The following CRB1 variants were observed in gnomAD, a reference collection of about 807,000 sequenced individuals.
CRB1 encodes crumbs cell polarity complex component 1.
A neutral mutation model predicts 120.0 loss-of-function variants in CRB1; 83 were observed. The ratio of observed to expected loss-of-function variants is 0.69; its 90% CI spans 0.58 to 0.83. The LOEUF is 0.83. Among genes scored for constraint, CRB1 ranks in the 40% least tolerant of loss-of-function variants. CRB1 has a pLI of 0.00. For synonymous variants in CRB1, 625 were observed against 612.5 expected (o/e 1.02, Z -0.30); for missense variants, 1,699 against 1,687.6 (o/e 1.01, Z -0.12).
At chr1:197,458,031 G>A (rs1168977907) in intron 11 of CRB1, among the ~76,000 whole-genome samples, 20 of 152,150 alleles carry the variant, frequency 1.3e-4, no homozygotes, top group Admixed American at 7.9e-4. Context: ...GAGTAGAAAA[G>A]GGAAATTCTG....
intron 8 of CRB1, among the ~76,000 whole-genome samples, chr1:197,433,295 T>A (rs1218343169): frequency 6.6e-6 from 1 of 152,078 alleles, no homozygotes; most frequent in Admixed American, 6.6e-5. Context: ...TGCAGAGCAG[T>A]AGAAGCAGGG....
At chr1:197,238,052 T>G in the CRB1 span, among the ~76,000 whole-genome samples, 1 of 152,182 alleles carries the variant, frequency 6.6e-6, no homozygotes, top group Non-Finnish European at 1.5e-5. Context: ...ATTTTCACTT[T>G]TCACTGAGTT....
intron 6 of CRB1, among the ~76,000 whole-genome samples, chr1:197,426,148 C>T (rs1467486645): frequency 1.3e-5 from 2 of 151,946 alleles, no homozygotes; most frequent in African/African-American, 2.4e-5. Flanking sequence ...TGCTTAGGCC[C>T]AAAGCCTTAG....
chr1:197,452,684 G>C (rs953911551), intron 11 of CRB1, among the ~76,000 whole-genome samples: 27 of 152,152 alleles, frequency 1.8e-4, no homozygotes, highest in African/African-American at 5.6e-4. Flanking sequence ...GAACCTGGGA[G>C]TACTTACTTC....
chr1:197,359,464 A>AT (rs1434327383), intron 5 of CRB1, among the ~76,000 whole-genome samples: 1 of 152,014 alleles, frequency 6.6e-6, no homozygotes, highest in Admixed American at 6.6e-5. Flanking sequence ...TATATCAAAG[A>AT]TTTTTTAACC....
intron 5 of CRB1, among the ~76,000 whole-genome samples, chr1:197,402,487 T>A (rs1363470970): frequency 6.6e-6 from 1 of 152,240 alleles, no homozygotes. Context: ...TAGATGTATG[T>A]CGTTTAAAAT....
chr1:197,400,226 G>A (rs930858673), intron 5 of CRB1, among the ~76,000 whole-genome samples: 2 of 151,654 alleles, frequency 1.3e-5, no homozygotes, highest in African/African-American at 2.4e-5. Flanking sequence ...GCAATTAACC[G>A]GAGTAACCAC....
the CRB1 span, among the ~76,000 whole-genome samples, chr1:197,210,551 GC>G: frequency 1.3e-5 from 2 of 152,044 alleles, no homozygotes; most frequent in East Asian, 3.9e-4. Flanking sequence ...AGACTGGCCA[GC>G]CCCCACAATC....
chr1:197,222,575 T>G, the CRB1 span: 1 of 768,946 alleles, frequency 1.3e-6, no homozygotes, highest in South Asian at 1.3e-5. Context: ...ACGAAACTCC[T>G]GTTGTTTTGC....
chr1:197,415,022 A>T (rs1663903124), intron 5 of CRB1, among the ~76,000 whole-genome samples: 1 of 152,228 alleles, frequency 6.6e-6, no homozygotes, highest in African/African-American at 2.4e-5. Context: ...AAGTGATGGT[A>T]AAATTTAAAA....
At chr1:197,220,273 G>A in the CRB1 span, among the ~76,000 whole-genome samples, 1 of 152,196 alleles carries the variant, frequency 6.6e-6, no homozygotes, top group African/African-American at 2.4e-5. Context: ...ATTTTTAAAA[G>A]AGATGAATAA....
intron 5 of CRB1, among the ~76,000 whole-genome samples, chr1:197,359,118 C>T (rs1481742164): frequency 2.6e-5 from 4 of 151,986 alleles, no homozygotes. Context: ...CCTAATTTTC[C>T]CAATAGTACC....
At chr1:197,241,532 A>C in the CRB1 span, among the ~76,000 whole-genome samples, 1 of 152,052 alleles carries the variant, frequency 6.6e-6, no homozygotes, top group Non-Finnish European at 1.5e-5. Flanking sequence ...ATTATTTCTG[A>C]GGCCTCTATC....
intron 1 of CRB1, among the ~76,000 whole-genome samples, chr1:197,314,131 C>G (rs559687521): frequency 5.3e-5 from 8 of 152,108 alleles, no homozygotes; most frequent in Non-Finnish European, 5.9e-5. Flanking sequence ...TCTTTTTCTC[C>G]TCTCCCTCTG....
chr1:197,259,413 C>G, the CRB1 span, among the ~76,000 whole-genome samples: 1 of 152,170 alleles, frequency 6.6e-6, no homozygotes, highest in African/African-American at 2.4e-5. Context: ...TCATCCTCAG[C>G]AAACTAACAC....
At chr1:197,280,365 T>G (rs889601755) in intron 1 of CRB1, among the ~76,000 whole-genome samples, 1 of 151,838 alleles carries the variant, frequency 6.6e-6, no homozygotes, top group African/African-American at 2.4e-5. Flanking sequence ...TGAATAATAA[T>G]CTATTGCTCA....
chr1:197,438,444 T>A lies in CRB1; in HGVS notation c.3750-103T>A, dbSNP rs1665266830. 3.5e-6 allele frequency: 5 copies of A among 1,408,712 alleles called. No individual in the cohort carries two copies. The East Asian group carries it at 9.4e-5, about 26-fold the overall frequency. The allele number at this position is 1,408,712 out of a possible 1,614,324, so 87.3% of individuals were successfully genotyped here. A position where few individuals can be genotyped will look rare whatever the true frequency, so the allele number is the denominator to read the frequency against. ...TTTGTAGCTCCTCCAGCCTGAGTAC[T>A]TAATTAGCTTGGCATTGACTACATA... On this transcript the variant is annotated intron_variant, in intron 9 of 11. Coordinates refer to ENST00000367400, the MANE Select transcript of CRB1 (RefSeq NM_201253.3).
At chr1:197,473,595 A>C (rs1031298285) in intron 11 of CRB1, among the ~76,000 whole-genome samples, 3 of 151,170 alleles carry the variant, frequency 2.0e-5, no homozygotes, top group Non-Finnish European at 4.4e-5. Context: ...AACTGACTGC[A>C]GATAGCAGCA....
chr1:197,435,657 C>T, intron 9 of CRB1, 45 bp downstream of exon 9: 1 of 1,500,862 alleles, frequency 6.7e-7, no homozygotes, highest in Non-Finnish European at 9.2e-7. Context: ...AAGCTATACT[C>T]TGCATCACTG....
Sources: allele counts gnomAD v4.1 joint callset (sites outside exome capture counted in the v4.1 genomes callset), GRCh38; gene constraint gnomAD v4.1.1; transcripts MANE v1.5; gene names NCBI Gene and HGNC (gene_info 2026-07-23, HGNC 2026-07-21).